The following COL13A1 variants were observed in gnomAD, a reference collection of about 807,000 sequenced individuals.
The protein encoded by COL13A1 is collagen alpha-1(XIII) chain.
Under a neutral mutation model 130.9 loss-of-function variants are expected in COL13A1, and 89 were observed. The ratio of observed to expected loss-of-function variants is 0.68; its 90% CI spans 0.57 to 0.81. The LOEUF (loss-of-function observed/expected upper bound fraction) is 0.81, where lower values mean the gene tolerates loss of function less well. Among genes scored for constraint, COL13A1 ranks in the 30% least tolerant of loss-of-function variants. COL13A1 has a pLI of 0.00. For synonymous variants in COL13A1, 402 were observed against 341.6 expected (o/e 1.18, Z -1.95); for missense variants, 879 against 934.6 (o/e 0.94, Z 0.78).
intron 2 of COL13A1, among the ~76,000 whole-genome samples, chr10:69,835,769 G>A (rs928282053): frequency 3.3e-5 from 5 of 152,222 alleles, no homozygotes; most frequent in Admixed American, 1.3e-4. Flanking sequence ...ACTCGGCAGT[G>A]GCCGTGATGC....
chr10:69,826,865 C>A (rs1847628232), intron 2 of COL13A1, among the ~76,000 whole-genome samples: 1 of 152,134 alleles, frequency 6.6e-6, no homozygotes, highest in South Asian at 2.1e-4. Flanking sequence ...CACCCCATGA[C>A]CAACACAAAA....
At chr10:69,943,480 G>A (rs1039412780) in intron 35 of COL13A1, among the ~76,000 whole-genome samples, 3 of 152,178 alleles carry the variant, frequency 2.0e-5, no homozygotes, top group African/African-American at 7.2e-5. Flanking sequence ...TGGCTCCAGC[G>A]CCCCCAGCCC....
chr10:69,917,265 A>C (rs2064036992), intron 17 of COL13A1, 24 bp from the exon 18 acceptor site: 2 of 1,613,274 alleles, frequency 1.2e-6, no homozygotes, highest in East Asian at 2.2e-5. Flanking sequence ...TCCTCTCCTC[A>C]TGCTTTCTCA....
intron 38 of COL13A1, among the ~76,000 whole-genome samples, chr10:69,948,144 C>T (rs777687726): frequency 1.4e-4 from 22 of 152,154 alleles, no homozygotes; most frequent in Non-Finnish European, 2.1e-4. Flanking sequence ...AAATCCAAGG[C>T]GCTTAGAGGA....
chr10:69,937,526 C>G, intron 33 of COL13A1, 109 bp from the exon 34 acceptor site: 1 of 635,878 alleles, frequency 1.6e-6, no homozygotes. Context: ...CCACCCTGAC[C>G]CCTCCTTCCT....
intron 9 of COL13A1, 37 bp from the exon 10 acceptor site, chr10:69,889,377 A>G: frequency 6.2e-7 from 1 of 1,603,210 alleles, no homozygotes; most frequent in Non-Finnish European, 8.5e-7. Flanking sequence ...CTGGGCTGCG[A>G]ACAGTGCACC....
At chr10:69,936,911 G>A in intron 33 of COL13A1, 129 bp downstream of exon 33, 7 of 1,034,168 alleles carry the variant, frequency 6.8e-6, no homozygotes, top group Non-Finnish European at 1.0e-5. Context: ...GTCCAGTCAG[G>A]GCAGGAGGAA....
At chr10:69,834,205 C>G (rs574216136) in intron 2 of COL13A1, among the ~76,000 whole-genome samples, 4 of 152,168 alleles carry the variant, frequency 2.6e-5, no homozygotes, top group African/African-American at 9.7e-5. Context: ...CCCTCGCATG[C>G]GCAGTCTGCA....
chr10:69,804,650 CTT>C (rs57012318), intron 1 of COL13A1, among the ~76,000 whole-genome samples: 66 of 142,272 alleles, frequency 4.6e-4, no homozygotes, highest in Non-Finnish European at 6.4e-4. Flanking sequence ...ATCCTGCCAC[CTT>C]TTTTTTTTTT....
intron 1 of COL13A1, among the ~76,000 whole-genome samples, chr10:69,821,102 A>G (rs1252434659): frequency 6.6e-6 from 1 of 152,258 alleles, no homozygotes; most frequent in East Asian, 1.9e-4. Context: ...TAGGGACTAC[A>G]GTACATCAGG....
At chr10:69,824,002 G>A (rs924404383) in intron 2 of COL13A1, 12 of 435,306 alleles carry the variant, frequency 2.8e-5, no homozygotes, top group East Asian at 2.1e-4. Context: ...AATGACAACC[G>A]ATTTTTGCTC....
intron 7 of COL13A1, among the ~76,000 whole-genome samples, chr10:69,881,532 A>T (rs763644618): frequency 2.6e-5 from 4 of 152,178 alleles, no homozygotes; most frequent in Non-Finnish European, 5.9e-5. Flanking sequence ...TGAGATGAAC[A>T]GCCAAGCGAG....
Position 69,932,263 on chromosome 10 carries a change from A to T in COL13A1, c.1684-297A>T, listed in dbSNP as rs150746787. Among the ~76,000 whole-genome samples the T allele has an allele frequency of 3.6e-3, 541 of 152,316 alleles. 1 individual carries two copies. The highest frequency in any genetic ancestry group is 0.014 in the Middle Eastern group (4 of 294). ...GTATGTTATAATCTGCAACATAATC[A>T]TAGAAGTGAGGTCCCACCACCTTTG... On this transcript the variant is annotated intron_variant, in intron 30 of 40. Transcript: ENST00000645393.
In COL13A1 at chr10:69,842,610, C is replaced by T. The variant is rs564837729; in HGVS notation, c.364+20172C>T. On this transcript the variant is annotated intron_variant, in intron 2 of 40. Transcript: ENST00000645393. ...CCACCCAAACGCAGGGGCTGGGCTT[C>T]AGTGCTAGCTTTCCTGGGCATTTGG... 2.0e-5 allele frequency among the ~76,000 whole-genome samples: 3 copies of T among 152,320 alleles called. No homozygotes were observed. The South Asian group carries it at 6.2e-4, about 32-fold the overall frequency.
At chr10:69,833,882 A>G (rs1365004867) in intron 2 of COL13A1, among the ~76,000 whole-genome samples, 1 of 152,092 alleles carries the variant, frequency 6.6e-6, no homozygotes, top group African/African-American at 2.4e-5. Flanking sequence ...GGGGAGGCAG[A>G]CCGTGGAGGG....
chr10:69,825,308 G>A (rs764614384), intron 2 of COL13A1, among the ~76,000 whole-genome samples: 2 of 152,250 alleles, frequency 1.3e-5, no homozygotes, highest in East Asian at 1.9e-4. Flanking sequence ...CCTGAGGGTC[G>A]GAGTTTATAA....
intron 3 of COL13A1, among the ~76,000 whole-genome samples, chr10:69,871,297 G>C (rs965873155): frequency 6.6e-6 from 1 of 152,166 alleles, no homozygotes; most frequent in South Asian, 2.1e-4. Flanking sequence ...TCATTCATTC[G>C]TAAATGTGTC....
At chr10:69,823,670 T>C (rs1308815964) in intron 2 of COL13A1, among the ~76,000 whole-genome samples, 1 of 151,930 alleles carries the variant, frequency 6.6e-6, no homozygotes, top group Admixed American at 6.5e-5. Flanking sequence ...TGGGCTGGGG[T>C]GGGAGTCACA....
At chr10:69,819,551 C>T (rs796867843) in intron 1 of COL13A1, among the ~76,000 whole-genome samples, 8 of 152,286 alleles carry the variant, frequency 5.3e-5, no homozygotes, top group African/African-American at 1.9e-4. Context: ...GGGGCCAGGT[C>T]TGCATTCCTC....
Sources: allele counts gnomAD v4.1 joint callset (sites outside exome capture counted in the v4.1 genomes callset), GRCh38; gene constraint gnomAD v4.1.1; transcripts MANE v1.5; gene names NCBI Gene and HGNC (gene_info 2026-07-23, HGNC 2026-07-21).